Variants in KIF1B observed in about 807,000 individuals in gnomAD.
KIF1B encodes the protein kinesin-like protein KIF1B.
A neutral mutation model predicts 241.9 loss-of-function variants in KIF1B; 76 were observed. The observed-to-expected ratio is 0.31, with a 90% CI of 0.26 to 0.38. KIF1B has a LOEUF of 0.38. KIF1B is among the 10% of genes least tolerant of loss of function. KIF1B has a pLI of 1.00. For missense variants in KIF1B, 1,622 were observed against 2,271.4 expected (o/e 0.71, Z 5.81); for synonymous variants, 750 against 796.7 (o/e 0.94, Z 0.99).
chr1:10,372,513 G>C (rs748864399), intron 45 of KIF1B, among the ~76,000 whole-genome samples: 4 of 151,532 alleles, frequency 2.6e-5, no homozygotes, highest in African/African-American at 7.3e-5. Flanking sequence ...TCCAGCCTGG[G>C]TGACAGAGCA....
chr1:10,232,686 T>C (rs987741641), intron 2 of KIF1B, among the ~76,000 whole-genome samples: 1 of 152,188 alleles, frequency 6.6e-6, no homozygotes, highest in Non-Finnish European at 1.5e-5. Flanking sequence ...TTTATGCTTA[T>C]TAAGTTGAAA....
intron 22 of KIF1B, chr1:10,306,799 T>C: frequency 1.0e-6 from 1 of 969,398 alleles, no homozygotes. Flanking sequence ...ATATTTATTA[T>C]ATTATTCAGG....
chr1:10,345,911 T>C lies in KIF1B; in HGVS notation c.3755T>C (p.Leu1252Pro), dbSNP rs1245086908. ...GGCCAGAGCATGAGCAAGTATGACCTCCTGGTTTGGTTTGAGATCAGTGAA... is the reference window on the plus strand; with the variant it reads ...GGCCAGAGCATGAGCAAGTATGACCCCCTGGTTTGGTTTGAGATCAGTGAA... ...SLGQSMSKYD[L>P]LVWFEISELE... Residue 1252 changes from leucine to proline, a missense_variant, in exon 35 of 49, where the codon CTC (leucine) becomes CCC (proline). Physicochemically the swap from Leu to Pro is moderately conservative, Grantham distance 98 (BLOSUM62 -3). Coordinates refer to ENST00000676179, the MANE Select transcript of KIF1B (RefSeq NM_001365951.3). The C allele has an allele frequency of 1.2e-6, 2 of 1,614,128 alleles. No homozygotes were observed. Among genetic ancestry groups the C allele is most frequent in the Non-Finnish European group, 1.7e-6 (2 of 1,179,952 alleles).
At chr1:10,237,147 T>A (rs1647067725) in intron 2 of KIF1B, among the ~76,000 whole-genome samples, 1 of 152,224 alleles carries the variant, frequency 6.6e-6, no homozygotes, top group African/African-American at 2.4e-5. Context: ...GGAAATATTC[T>A]CCATGGCACA....
At chr1:10,347,344 T>C (rs935507642) in intron 35 of KIF1B, among the ~76,000 whole-genome samples, 1 of 152,216 alleles carries the variant, frequency 6.6e-6, no homozygotes, top group African/African-American at 2.4e-5. Context: ...ATTTGACTTT[T>C]CATAGACAGA....
At position 10,326,459 on chromosome 1, in the gene KIF1B, A is replaced by G. The variant is rs1651728147; in HGVS notation, c.2924+100A>G. 1 of 1,433,034 alleles carries G rather than the reference A, an allele frequency of 7.0e-7. No homozygotes were observed. Among genetic ancestry groups the G allele is most frequent in the Non-Finnish European group, 9.8e-7 (1 of 1,024,184 alleles). 88.8% of individuals were successfully genotyped at this position (1,433,034 alleles called of 1,614,324 possible). On this transcript the variant is annotated intron_variant, in intron 27 of 48. Transcript: ENST00000676179. The surrounding 1 kb of genome is among the most constrained non-coding windows in gnomAD (Gnocchi z 5.2). ...TGGATAACCTTGCATTAGCCAATTC[A>G]ACTCATGAATGCTCTTTTTCAAGTT...
At chr1:10,345,357 A>C (rs1218640647) in intron 34 of KIF1B, among the ~76,000 whole-genome samples, 7 of 152,130 alleles carry the variant, frequency 4.6e-5, no homozygotes, top group Admixed American at 4.6e-4. Flanking sequence ...TTGATCTGGG[A>C]TGTGTCCTGG....
chr1:10,343,201 A>G, intron 33 of KIF1B, 31 bp from the exon 34 acceptor site: 1 of 1,612,106 alleles, frequency 6.2e-7, no homozygotes, highest in East Asian at 2.2e-5. Context: ...AACTCTTTAT[A>G]GTCTTGATCT....
Position 10,312,874 on chromosome 1 carries a change from T to C in KIF1B, c.2116-7169T>C, listed in dbSNP as rs72865986. On this transcript the variant is annotated intron_variant, in intron 22 of 48. Coordinates refer to ENST00000676179, the MANE Select transcript of KIF1B (RefSeq NM_001365951.3). ...CTTTGTCAATGGAACCCTTGTCTTA[T>C]TGACCACTAGCATTTGGCACATAGT... 2.7e-3 allele frequency among the ~76,000 whole-genome samples: 408 copies of C among 151,640 alleles called. 27 individuals are homozygous for C. Among genetic ancestry groups the C allele is most frequent in the African/African-American group, 9.0e-3 (367 of 40,944 alleles).
rs1380208326 is a variant in KIF1B, at chr1:10,293,151, C to T, written c.1590+1029C>T. 2.7e-5 allele frequency among the ~76,000 whole-genome samples: 4 copies of T among 149,842 alleles called. No individual in the cohort carries two copies. The Admixed American group carries it at 2.7e-4, about 10-fold the overall frequency. The stretch of plus-strand genomic sequence containing the variant: ...TCAACAGAAAAGACTGATGTAAAGA[C>T]ATTTTAGATGCATATTGTAGAATAG... On this transcript the variant is annotated intron_variant, in intron 17 of 48. Transcript: ENST00000676179.
intron 22 of KIF1B, among the ~76,000 whole-genome samples, chr1:10,310,194 A>C (rs1651007701): frequency 6.6e-6 from 1 of 151,648 alleles, no homozygotes; most frequent in South Asian, 2.1e-4. Context: ...GTGGTTCTCA[A>C]ACTTTAATGT....
chr1:10,288,724 T>C (rs1459177475), intron 15 of KIF1B, among the ~76,000 whole-genome samples: 2 of 152,154 alleles, frequency 1.3e-5, no homozygotes, highest in Non-Finnish European at 2.9e-5. Flanking sequence ...TTTTAAATTT[T>C]ATTTTAAATC....
intron 6 of KIF1B, 111 bp from the exon 7 acceptor site, chr1:10,268,041 A>T (rs1435274180): frequency 9.2e-6 from 7 of 763,594 alleles, no homozygotes; most frequent in Non-Finnish European, 1.4e-5. Context: ...TCTGTGAATA[A>T]GTTTAAGACT....
At chr1:10,371,668 G>C (rs574595812) in intron 45 of KIF1B, among the ~76,000 whole-genome samples, 56 of 152,352 alleles carry the variant, frequency 3.7e-4, no homozygotes, top group African/African-American at 1.3e-3. Context: ...GACAAGGCCA[G>C]GTGAGGTGGC....
intron 14 of KIF1B, 77 bp downstream of exon 14, chr1:10,279,215 G>A (rs1456824827): frequency 5.4e-6 from 5 of 918,924 alleles, no homozygotes; most frequent in South Asian, 4.6e-5. Flanking sequence ...CTTAAAATAA[G>A]CTTTGCATGC....
chr1:10,244,767 C>T lies in KIF1B; in HGVS notation c.107-11480C>T, dbSNP rs574754776. Among the ~76,000 whole-genome samples the T allele has an allele frequency of 2.2e-3, 334 of 152,068 alleles. 1 individual carries two copies. The highest frequency in any genetic ancestry group is 7.7e-3 in the African/African-American group (318 of 41,494). The stretch of plus-strand genomic sequence containing the variant: ...AGCTGGGACTACAGGCGCCCACCAC[C>T]ACGCCTGGCTAATTTTTTGTATTTT... On this transcript the variant is annotated intron_variant, in intron 2 of 48. Transcript: ENST00000676179.
Position 10,376,860 on chromosome 1 carries a change from C to T in KIF1B, c.*273C>T, listed in dbSNP as rs1638905333. 4.4e-6 allele frequency: 2 copies of T among 454,654 alleles called. No homozygotes were observed. Among genetic ancestry groups the T allele is most frequent in the Non-Finnish European group, 4.1e-6 (1 of 243,440 alleles). The allele number at this position is 454,654 out of a possible 1,614,324, so 28.2% of individuals were successfully genotyped here. Reference sequence around the variant, plus strand: ...ACACACACACACACACACACACACACACACACATACACAGACAAAAACACA... The same window carrying T: ...ACACACACACACACACACACACACATACACACATACACAGACAAAAACACA... On this transcript the variant is annotated 3_prime_UTR_variant, in exon 49 of 49. Coordinates refer to ENST00000676179, the MANE Select transcript of KIF1B (RefSeq NM_001365951.3).
intron 2 of KIF1B, among the ~76,000 whole-genome samples, chr1:10,255,788 ATTGT>A (rs572664505): frequency 3.1e-3 from 475 of 152,064 alleles, no homozygotes; most frequent in Non-Finnish European, 5.6e-3. Context: ...TAAAACTATG[ATTGT>A]TTTCATTCAT....
In KIF1B at chr1:10,374,922, T is replaced by C; in HGVS notation, c.5165T>C (p.Phe1722Ser). ...CTTTACAGTAACTGGGCTAAACATT[T>C]TGTTGTCGTCCGTCGGCCTTATGTC... The part of the protein sequence containing the change: ...EPLYSNWAKH[F>S]VVVRRPYVFI... Residue 1722 changes from phenylalanine (F) to serine (S), a missense_variant, in exon 47 of 49, where the codon TTT becomes TCT. Coordinates refer to ENST00000676179, the MANE Select transcript of KIF1B (RefSeq NM_001365951.3). This position sits in a 1 kb window ranked among gnomAD's most constrained non-coding sequence, Gnocchi z 4.3. 8.1e-6 allele frequency: 13 copies of C among 1,614,184 alleles called. No individual in the cohort carries two copies. The highest frequency in any genetic ancestry group is 1.1e-5 in the Non-Finnish European group (13 of 1,180,038).
Sources: gnomAD v4.1 joint callset for allele counts (sites outside exome capture counted in the v4.1 genomes callset) on GRCh38, gnomAD v4.1.1 for gene constraint, Gnocchi (gnomAD v3.1) non-coding constraint, MANE v1.5 for transcripts, NCBI Gene and HGNC (gene_info 2026-07-23, HGNC 2026-07-21) for gene names.